GLRA3: variants seen among roughly 807,000 people sequenced by gnomAD.
The protein encoded by GLRA3 is glycine receptor alpha 3.
Under a neutral mutation model 60.4 loss-of-function variants are expected in GLRA3, and 44 were observed. The observed-to-expected ratio is 0.73, with a 90% CI of 0.57 to 0.94. GLRA3 has a LOEUF of 0.94. Ranked by LOEUF, GLRA3 falls within the 40% of genes least tolerant of loss-of-function variation. The probability of loss-of-function intolerance (pLI) is 0.00; values close to 1 mark genes in which losing one functional copy is unlikely to be tolerated. For missense variants in GLRA3, 508 were observed against 564.6 expected, an observed-to-expected ratio of 0.90 and a Z score of 1.02; for synonymous variants, 223 against 192.9, an observed-to-expected ratio of 1.16 and a Z score of -1.29.
intron 9 of GLRA3, among the ~76,000 whole-genome samples, chr4:174,655,461 C>T (rs1355687675): frequency 6.6e-6 from 1 of 151,964 alleles, no homozygotes; most frequent in Non-Finnish European, 1.5e-5. Flanking sequence ...ATAAGATAAG[C>T]CTGTTTTTTC....
intron 5 of GLRA3, among the ~76,000 whole-genome samples, chr4:174,692,998 T>C (rs1734919041): frequency 6.6e-6 from 1 of 151,410 alleles, no homozygotes; most frequent in South Asian, 2.1e-4. Context: ...CACTTCTTAA[T>C]GGGGTTGTGT....
intron 1 of GLRA3, among the ~76,000 whole-genome samples, chr4:174,809,488 T>C (rs747333195): frequency 1.3e-5 from 2 of 152,200 alleles, no homozygotes; most frequent in African/African-American, 2.4e-5. Context: ...ATCTCAGCAC[T>C]TTGGGAAGCC....
At chr4:174,675,318 T>A (rs1396735216) in intron 7 of GLRA3, among the ~76,000 whole-genome samples, 2 of 152,152 alleles carry the variant, frequency 1.3e-5, no homozygotes. Context: ...TACAAAGCAG[T>A]CCTAGACATT....
chr4:174,826,520 T>C (rs1740974507), intron 1 of GLRA3, among the ~76,000 whole-genome samples: 1 of 152,184 alleles, frequency 6.6e-6, no homozygotes, highest in African/African-American at 2.4e-5. Flanking sequence ...GTTCCCTTTG[T>C]AAAACTTTAT....
chr4:174,650,462 G>A (rs1732986238), intron 9 of GLRA3, among the ~76,000 whole-genome samples: 1 of 152,156 alleles, frequency 6.6e-6, no homozygotes, highest in Non-Finnish European at 1.5e-5. Context: ...TAAGGTGGCT[G>A]CTAGGATTCT....
At chr4:174,799,049 T>C (rs894133889) in intron 1 of GLRA3, among the ~76,000 whole-genome samples, 4 of 152,258 alleles carry the variant, frequency 2.6e-5, no homozygotes, top group Non-Finnish European at 4.4e-5. Flanking sequence ...ATGATTATTA[T>C]TTTGAAGTGA....
chr4:174,682,930 G>T lies in GLRA3; in HGVS notation c.584C>A (p.Thr195Lys). The change falls in exon 6 of 10, where the codon ACA (threonine) becomes AAA (lysine). Residue 195 changes from threonine (T) to lysine (K), a missense_variant. Physicochemically the swap from Thr to Lys is moderately conservative, Grantham distance 78 (BLOSUM62 -1). This residue lies in a region of GLRA3 where 329 missense variants were observed against 349.3 expected (regional missense o/e 0.94). Transcript: ENST00000274093. ...CCATTCAAAAATGAGATCATTCATT[G>T]TGTACCCAACTAGGCAAAACATAAT... is the stretch of plus-strand genomic sequence containing the variant. ...CIMQLESFGY[T>K]MNDLIFEWQD... is the part of the protein sequence containing the mutation. 1.2e-6 allele frequency: 2 copies of T among 1,612,330 alleles called. No homozygotes were observed. The highest frequency in any genetic ancestry group is 2.2e-5 in the East Asian group (1 of 44,854).
chr4:174,725,002 C>G (rs935719258), intron 4 of GLRA3, among the ~76,000 whole-genome samples: 4 of 152,188 alleles, frequency 2.6e-5, no homozygotes, highest in African/African-American at 4.8e-5. Context: ...TTGGATTTAT[C>G]TTGTTTGGGA....
chr4:174,818,378 G>T (rs1740593520), intron 1 of GLRA3, among the ~76,000 whole-genome samples: 1 of 151,948 alleles, frequency 6.6e-6, no homozygotes, highest in South Asian at 2.1e-4. Context: ...TTATATTTAT[G>T]ATAACTATAC....
chr4:174,699,891 TTTAA>T (rs1166286309), intron 5 of GLRA3, among the ~76,000 whole-genome samples: 8 of 151,624 alleles, frequency 5.3e-5, no homozygotes, highest in African/African-American at 1.7e-4. Context: ...TTGTTAATTA[TTTAA>T]TTAATAATTT....
At chr4:174,761,239 TA>T (rs1737931909) in intron 3 of GLRA3, among the ~76,000 whole-genome samples, 2 of 152,114 alleles carry the variant, frequency 1.3e-5, no homozygotes, top group Admixed American at 1.3e-4. Flanking sequence ...TATATAGATA[TA>T]TGGAGAGATA....
At chr4:174,765,396 T>G (rs1403012228) in intron 3 of GLRA3, among the ~76,000 whole-genome samples, 1 of 152,068 alleles carries the variant, frequency 6.6e-6, no homozygotes, top group Admixed American at 6.6e-5. Context: ...GGGTAAGACT[T>G]TAAATCTTTC....
intron 7 of GLRA3, among the ~76,000 whole-genome samples, chr4:174,668,489 A>G (rs1733767248): frequency 6.6e-6 from 1 of 152,152 alleles, no homozygotes. Context: ...TTCAGTCCAC[A>G]TGGAGGTGGT....
chr4:174,749,505 A>G (rs1381121848), intron 3 of GLRA3, among the ~76,000 whole-genome samples: 1 of 152,152 alleles, frequency 6.6e-6, no homozygotes, highest in African/African-American at 2.4e-5. Context: ...TGGCAAAATC[A>G]GTTAAATTTT....
intron 5 of GLRA3, among the ~76,000 whole-genome samples, chr4:174,712,979 T>C (rs1416559753): frequency 7.1e-6 from 1 of 141,080 alleles, no homozygotes; most frequent in Non-Finnish European, 1.6e-5. Context: ...ATATATTATA[T>C]AGTATATTAC....
intron 4 of GLRA3, among the ~76,000 whole-genome samples, chr4:174,720,409 T>G (rs559228904): frequency 4.9e-4 from 75 of 152,338 alleles, no homozygotes; most frequent in African/African-American, 1.8e-3. Context: ...GTGCTTTATT[T>G]AATGTATTTT....
At chr4:174,679,641 A>G (rs1029887118) in intron 6 of GLRA3, among the ~76,000 whole-genome samples, 12 of 152,218 alleles carry the variant, frequency 7.9e-5, no homozygotes, top group Non-Finnish European at 1.3e-4. Context: ...AGTGTCCCTC[A>G]GTGGAAGAAT....
At position 174,643,065 on chromosome 4, in the gene GLRA3, A is replaced by G. The variant is rs917194258; in HGVS notation, c.*721T>C. On this transcript the variant is annotated 3_prime_UTR_variant, in exon 10 of 10. Transcript: ENST00000274093. Reference sequence around the variant, plus strand: ...ACATAGCTATAATACTTATTTAAAAACAAAGTTGTTTCCCGTATTTCCACC... The same window carrying G: ...ACATAGCTATAATACTTATTTAAAAGCAAAGTTGTTTCCCGTATTTCCACC... 2 of 956,432 alleles carry G rather than the reference A, an allele frequency of 2.1e-6. No homozygotes were observed. Among genetic ancestry groups the G allele is most frequent in the Non-Finnish European group, 2.5e-6 (2 of 804,334 alleles). The allele number at this position is 956,432 out of a possible 1,614,324, so 59.2% of individuals were successfully genotyped here. A position where few individuals can be genotyped will look rare whatever the true frequency, so the allele number is the denominator to read the frequency against.
At chr4:174,778,510 T>A (rs1038253388) in intron 2 of GLRA3, among the ~76,000 whole-genome samples, 1 of 152,084 alleles carries the variant, frequency 6.6e-6, no homozygotes, top group Non-Finnish European at 1.5e-5. Flanking sequence ...TGTCTACAGC[T>A]CCCAGCGTGA....
Sources: gnomAD v4.1 joint callset for allele counts (sites outside exome capture counted in the v4.1 genomes callset) on GRCh38, gnomAD v4.1.1 for gene constraint, gnomAD v4.1.1 regional missense constraint, MANE v1.5 for transcripts, NCBI Gene and HGNC (gene_info 2026-07-23, HGNC 2026-07-21) for gene names.